CENPP: variants seen among roughly 807,000 people sequenced by gnomAD.
The protein encoded by CENPP is centromere protein P.
Under a neutral mutation model 35.6 loss-of-function variants are expected in CENPP, and 24 were observed. The observed-to-expected ratio is 0.67, with a 90% CI of 0.49 to 0.95. The LOEUF (loss-of-function observed/expected upper bound fraction) is 0.95, where lower values mean the gene tolerates loss of function less well. CENPP is among the 40% of genes least tolerant of loss of function. CENPP has a pLI of 0.00. For synonymous variants in CENPP, 120 were observed against 125.5 expected, an observed-to-expected ratio of 0.96 and a Z score of 0.29; for missense variants, 332 against 345.3, an observed-to-expected ratio of 0.96 and a Z score of 0.31.
intron 5 of CENPP, among the ~76,000 whole-genome samples, chr9:92,382,464 A>T (rs1049612879): frequency 6.6e-6 from 1 of 152,112 alleles, no homozygotes; most frequent in Non-Finnish European, 1.5e-5. Flanking sequence ...CCTCCTATCT[A>T]GCTGTAATTT....
intron 5 of CENPP, chr9:92,416,588 T>C (rs777197535): frequency 2.3e-6 from 3 of 1,296,396 alleles, no homozygotes; most frequent in Non-Finnish European, 3.2e-6. Context: ...CCATTCTTTC[T>C]CTCTTCAAAA....
intron 5 of CENPP, chr9:92,535,995 CAAAATCAGAGCTTTCTTT>C: frequency 3.9e-6 from 2 of 512,310 alleles, no homozygotes; most frequent in South Asian, 2.9e-5. Flanking sequence ...GAAAATGAAA[CAAAATCAGAGCTTTCTTT>C]AAAAACAAAG....
chr9:92,578,445 A>C (rs1174198125), intron 5 of CENPP, among the ~76,000 whole-genome samples: 3 of 151,570 alleles, frequency 2.0e-5, no homozygotes, highest in African/African-American at 7.2e-5. Context: ...ATTTCTCCAC[A>C]TCCTCTCCAG....
intron 5 of CENPP, among the ~76,000 whole-genome samples, chr9:92,492,371 G>C (rs1846195211): frequency 6.6e-6 from 1 of 152,188 alleles, no homozygotes. Context: ...GAATAATTAT[G>C]TGTGAGTGGG....
rs771891229 is a variant in CENPP at position 92,554,475 on chromosome 9, G to A, written c.565-56839G>A. On this transcript the variant is annotated intron_variant, in intron 5 of 7. Transcript: ENST00000375587. The stretch of plus-strand genomic sequence containing the variant: ...TGGGATTACAGGCGTGAGCCACTGC[G>A]CCCTGCTTTTACCTTTAATTCTGCT... Among the ~76,000 whole-genome samples the A allele has an allele frequency of 1.2e-4, 18 of 152,238 alleles. No individual in the cohort carries two copies. In the South Asian group the frequency reaches 1.7e-3, roughly 14 times the overall value.
chr9:92,489,915 C>A (rs1846139644), intron 5 of CENPP, among the ~76,000 whole-genome samples: 1 of 152,224 alleles, frequency 6.6e-6, no homozygotes, highest in African/African-American at 2.4e-5. Flanking sequence ...CTTTACAGAG[C>A]ATGTGTGCAG....
intron 5 of CENPP, among the ~76,000 whole-genome samples, chr9:92,549,659 CA>C (rs958064117): frequency 6.3e-4 from 47 of 74,148 alleles, no homozygotes; most frequent in African/African-American, 4.5e-3. Context: ...AAAAAAAAAA[CA>C]AAACAAAACA....
intron 5 of CENPP, among the ~76,000 whole-genome samples, chr9:92,405,041 G>T (rs572083525): frequency 6.6e-6 from 1 of 151,994 alleles, no homozygotes; most frequent in East Asian, 1.9e-4. Flanking sequence ...ATTAGTTTTA[G>T]CACAAATTAT....
At chr9:92,470,072 G>A (rs569982893) in intron 5 of CENPP, among the ~76,000 whole-genome samples, 3 of 152,048 alleles carry the variant, frequency 2.0e-5, no homozygotes, top group East Asian at 1.9e-4. Context: ...CAAGTGATCC[G>A]CCCGCCTTGG....
chr9:92,513,829 A>AT (rs1847512574), intron 5 of CENPP, among the ~76,000 whole-genome samples: 1 of 152,178 alleles, frequency 6.6e-6, no homozygotes, highest in Non-Finnish European at 1.5e-5. Context: ...CTATATCTTA[A>AT]TTTTGGTGGT....
chr9:92,396,157 A>G (rs1842883372), intron 5 of CENPP, among the ~76,000 whole-genome samples: 1 of 152,192 alleles, frequency 6.6e-6, no homozygotes, highest in African/African-American at 2.4e-5. Flanking sequence ...CACATTGTCA[A>G]GAACTAGTTG....
chr9:92,356,120 A>G (rs1841582923), intron 4 of CENPP, among the ~76,000 whole-genome samples: 1 of 152,226 alleles, frequency 6.6e-6, no homozygotes. Flanking sequence ...AGTAAACTAA[A>G]AATAACTACT....
At chr9:92,469,976 C>T (rs1490475512) in intron 5 of CENPP, among the ~76,000 whole-genome samples, 2 of 152,140 alleles carry the variant, frequency 1.3e-5, no homozygotes, top group South Asian at 2.1e-4. Flanking sequence ...AGACTACGTG[C>T]ACCACCACCA....
chr9:92,456,006 G>T (rs1281516863), intron 5 of CENPP, among the ~76,000 whole-genome samples: 5 of 152,170 alleles, frequency 3.3e-5, no homozygotes, highest in African/African-American at 1.2e-4. Flanking sequence ...AGGAGGCGGA[G>T]GTTGCAGTGA....
intron 5 of CENPP, among the ~76,000 whole-genome samples, chr9:92,439,024 G>T (rs1406692124): frequency 6.6e-6 from 1 of 152,160 alleles, no homozygotes; most frequent in Non-Finnish European, 1.5e-5. Context: ...TAAATGCTTG[G>T]TGCTGTTCTT....
chr9:92,520,864 C>G (rs1199894450), intron 5 of CENPP, among the ~76,000 whole-genome samples: 1 of 152,148 alleles, frequency 6.6e-6, no homozygotes, highest in Non-Finnish European at 1.5e-5. Flanking sequence ...ATACACAAGG[C>G]CACATATTAT....
chr9:92,469,500 G>A (rs1303035262), intron 5 of CENPP, among the ~76,000 whole-genome samples: 1 of 152,174 alleles, frequency 6.6e-6, no homozygotes, highest in Non-Finnish European at 1.5e-5. Context: ...GGGAGGCATG[G>A]TGACCCCACA....
chr9:92,608,819 C>CT (rs997727253), intron 5 of CENPP, among the ~76,000 whole-genome samples: 5 of 152,222 alleles, frequency 3.3e-5, no homozygotes, highest in Non-Finnish European at 5.9e-5. Flanking sequence ...GTAAGGTACA[C>CT]TTTTTTTACT....
At chr9:92,585,856 A>C (rs1850527432) in intron 5 of CENPP, among the ~76,000 whole-genome samples, 1 of 152,170 alleles carries the variant, frequency 6.6e-6, no homozygotes, top group Admixed American at 6.5e-5. Context: ...CTGTGACGAT[A>C]GCAGCCCATG....
Sources: gnomAD v4.1 joint callset for allele counts (sites outside exome capture counted in the v4.1 genomes callset) on GRCh38, gnomAD v4.1.1 for gene constraint, MANE v1.5 for transcripts, NCBI Gene and HGNC (gene_info 2026-07-23, HGNC 2026-07-21) for gene names.